Variants in DNM3 observed in about 807,000 individuals in gnomAD.
The protein encoded by DNM3 is dynamin 3.
A neutral mutation model predicts 101.6 loss-of-function variants in DNM3; 47 were observed. The observed-to-expected ratio is 0.46, with a 90% CI of 0.37 to 0.59. DNM3 has a LOEUF of 0.59. Ranked by LOEUF, DNM3 falls within the 20% of genes least tolerant of loss-of-function variation. The pLI, the probability that DNM3 is intolerant of heterozygous loss-of-function variation, is 0.00. For synonymous variants in DNM3, 385 were observed against 387.9 expected (o/e 0.99, Z 0.09); for missense variants, 849 against 1,085.7 (o/e 0.78, Z 3.06).
chr1:171,889,790 T>C (rs1443689738), intron 1 of DNM3, among the ~76,000 whole-genome samples: 2 of 152,210 alleles, frequency 1.3e-5, no homozygotes, highest in Non-Finnish European at 2.9e-5. Flanking sequence ...AAAGCTATTC[T>C]TTACCGGAAA....
At chr1:171,859,348 G>C (rs949826158) in intron 1 of DNM3, among the ~76,000 whole-genome samples, 2 of 152,010 alleles carry the variant, frequency 1.3e-5, no homozygotes, top group African/African-American at 4.8e-5. Context: ...AATTCTCTGA[G>C]CATTTCTCTC....
At position 171,841,800 on chromosome 1, in the gene DNM3, C is replaced by A; in HGVS notation, c.144C>A (p.Leu48=). The A allele has an allele frequency of 1.2e-6, 2 of 1,609,128 alleles. No homozygotes were observed. The highest frequency in any genetic ancestry group is 1.7e-6 in the Non-Finnish European group (2 of 1,178,990). The change falls in exon 1 of 21, where the codon CTC becomes CTA. Residue 48 remains leucine, a synonymous_variant. Transcript: ENST00000627582. Reference sequence around the variant, plus strand: ...AGAGCGCCGGCAAGAGCTCGGTGCTCGAGAACTTCGTGGGCAGGTAAGCGC... The same window carrying A: ...AGAGCGCCGGCAAGAGCTCGGTGCTAGAGAACTTCGTGGGCAGGTAAGCGC... The part of the protein sequence containing the change: ...GGQSAGKSSV[L]ENFVGRDFLP...
intron 18 of DNM3, among the ~76,000 whole-genome samples, chr1:172,384,490 C>A (rs2069086526): frequency 6.6e-6 from 1 of 152,198 alleles, no homozygotes; most frequent in Non-Finnish European, 1.5e-5. Flanking sequence ...GAACCTGAGA[C>A]TCAAACAGTT....
In DNM3 at chr1:172,032,132, A is replaced by G. The variant is rs145251062; in HGVS notation, c.590-270A>G. 8.0e-4 allele frequency among the ~76,000 whole-genome samples: 121 copies of G among 150,560 alleles called. 1 individual carries two copies. The highest frequency in any genetic ancestry group is 8.0e-3 in the South Asian group (38 of 4,734). On this transcript the variant is annotated intron_variant, in intron 4 of 20. Coordinates refer to ENST00000627582, the MANE Select transcript of DNM3 (RefSeq NM_015569.5). ...CCATATATGCGTGGTACAAAAATAA[A>G]CTCTTATATTTCAAAATTATTTTTG...
At chr1:172,279,121 G>T (rs2063394015) in intron 15 of DNM3, among the ~76,000 whole-genome samples, 1 of 152,146 alleles carries the variant, frequency 6.6e-6, no homozygotes, top group African/African-American at 2.4e-5. Context: ...ATTATTTTGT[G>T]AGAAAGCTTG....
chr1:172,366,545 C>T (rs958845671), intron 17 of DNM3: 1 of 151,864 alleles, frequency 6.6e-6, no homozygotes, highest in African/African-American at 2.4e-5. Flanking sequence ...CATGGGTGCT[C>T]ACTTTAGTAG....
chr1:172,188,202 A>T (rs12126381), intron 14 of DNM3, among the ~76,000 whole-genome samples: 38,484 of 152,024 alleles, frequency 0.25, 5,403 homozygotes, highest in Middle Eastern at 0.34. Flanking sequence ...TTCTGATATT[A>T]CTCCTATTTC....
intron 2 of DNM3, among the ~76,000 whole-genome samples, chr1:171,922,157 G>A (rs970381966): frequency 8.9e-5 from 6 of 67,080 alleles, no homozygotes; most frequent in Admixed American, 1.3e-4. Context: ...GTGTGTGTGC[G>A]TATGTGTGCA....
At chr1:172,284,121 A>C (rs1430869334) in intron 15 of DNM3, among the ~76,000 whole-genome samples, 1 of 152,184 alleles carries the variant, frequency 6.6e-6, no homozygotes, top group Admixed American at 6.5e-5. Flanking sequence ...CTCCATTTTA[A>C]AGTTAGTTTT....
chr1:171,948,536 A>G (rs913139452), intron 2 of DNM3, among the ~76,000 whole-genome samples: 1 of 152,204 alleles, frequency 6.6e-6, no homozygotes, highest in African/African-American at 2.4e-5. Flanking sequence ...ATAAGCTTAC[A>G]CCTGAATGAG....
chr1:171,922,231 T>C (rs2040236302), intron 2 of DNM3, among the ~76,000 whole-genome samples: 1 of 152,144 alleles, frequency 6.6e-6, no homozygotes, highest in South Asian at 2.1e-4. Context: ...TATGGATGTG[T>C]ATGTGCGTAT....
At chr1:172,139,216 T>C in intron 14 of DNM3, 1 of 257,710 alleles carries the variant, frequency 3.9e-6, no homozygotes, top group South Asian at 3.7e-5. Flanking sequence ...GGCCCACATG[T>C]AGTCAGAGTT....
At chr1:172,054,058 T>C (rs2050397172) in intron 10 of DNM3, among the ~76,000 whole-genome samples, 1 of 152,192 alleles carries the variant, frequency 6.6e-6, no homozygotes, top group African/African-American at 2.4e-5. Flanking sequence ...AAATAAGTAA[T>C]TCCAGCTATA....
intron 14 of DNM3, among the ~76,000 whole-genome samples, chr1:172,204,505 A>T (rs2148497556): frequency 1.3e-5 from 2 of 152,086 alleles, no homozygotes; most frequent in Non-Finnish European, 2.9e-5. Flanking sequence ...AACTCAGCCC[A>T]CTCAAAACTC....
chr1:171,927,782 A>G (rs1275577464), intron 2 of DNM3, among the ~76,000 whole-genome samples: 2 of 152,192 alleles, frequency 1.3e-5, no homozygotes, highest in Admixed American at 6.5e-5. Context: ...GGGTTTTGCC[A>G]TCCTCCTGAA....
intron 14 of DNM3, among the ~76,000 whole-genome samples, chr1:172,183,757 T>C (rs2059424494): frequency 7.2e-6 from 1 of 139,040 alleles, no homozygotes; most frequent in South Asian, 2.4e-4. Flanking sequence ...TGCACCACCA[T>C]GCCCAGCTAA....
intron 1 of DNM3, 71 bp downstream of exon 1, chr1:171,841,888 C>T: frequency 3.3e-6 from 5 of 1,526,004 alleles, no homozygotes; most frequent in Non-Finnish European, 4.4e-6. Context: ...GGAACGTGGA[C>T]GGGCAGCGGG....
intron 1 of DNM3, among the ~76,000 whole-genome samples, chr1:171,856,987 G>A (rs922162185): frequency 5.3e-5 from 8 of 152,126 alleles, no homozygotes; most frequent in East Asian, 1.9e-4. Flanking sequence ...GAAGCCAGAC[G>A]CACAGAAATA....
chr1:172,380,664 G>A (rs777208972), intron 18 of DNM3: 1 of 151,990 alleles, frequency 6.6e-6, no homozygotes, highest in African/African-American at 2.4e-5. Flanking sequence ...AGCCATCAGA[G>A]ATTATAATAA....
Sources: gnomAD v4.1 joint callset for allele counts (sites outside exome capture counted in the v4.1 genomes callset) on GRCh38, gnomAD v4.1.1 for gene constraint, MANE v1.5 for transcripts, NCBI Gene and HGNC (gene_info 2026-07-23, HGNC 2026-07-21) for gene names.